SYN3: variants seen among roughly 807,000 people sequenced by gnomAD.
SYN3 encodes synapsin-3.
In SYN3, 35 loss-of-function variants were observed where a neutral mutation model predicts 65.8. The ratio of observed to expected loss-of-function variants is 0.53; its 90% confidence interval spans 0.41 to 0.70. The LOEUF (loss-of-function observed/expected upper bound fraction) is 0.70, where lower values mean the gene tolerates loss of function less well. SYN3 is among the 30% of genes least tolerant of loss of function. SYN3 has a pLI of 0.00. For synonymous variants in SYN3, 270 were observed against 292.9 expected (o/e 0.92, Z 0.80); for missense variants, 680 against 749.0 (o/e 0.91, Z 1.08).
At chr22:32,997,131 G>A (rs1490569705) in intron 2 of SYN3, among the ~76,000 whole-genome samples, 1 of 152,218 alleles carries the variant, frequency 6.6e-6, no homozygotes, top group Non-Finnish European at 1.5e-5. Flanking sequence ...CCTGAGCCAG[G>A]TCCCAGATGT....
At chr22:32,556,444 G>A (rs958575570) in intron 7 of SYN3, among the ~76,000 whole-genome samples, 3 of 152,136 alleles carry the variant, frequency 2.0e-5, no homozygotes, top group Non-Finnish European at 4.4e-5. Flanking sequence ...AGAAACATAC[G>A]ATCCAATCTA....
At chr22:32,569,237 T>C (rs1207788688) in intron 7 of SYN3, among the ~76,000 whole-genome samples, 1 of 146,884 alleles carries the variant, frequency 6.8e-6, no homozygotes, top group Non-Finnish European at 1.5e-5. Flanking sequence ...TTTCTTTCTA[T>C]CTATCTCTAT....
chr22:32,967,155 T>C (rs1407938728), intron 3 of SYN3, among the ~76,000 whole-genome samples: 1 of 152,162 alleles, frequency 6.6e-6, no homozygotes, highest in African/African-American at 2.4e-5. Context: ...GATTAGATAC[T>C]GCCTATGATC....
intron 2 of SYN3, among the ~76,000 whole-genome samples, chr22:33,003,182 T>G (rs2053110262): frequency 6.6e-6 from 1 of 152,150 alleles, no homozygotes; most frequent in Middle Eastern, 3.2e-3. Context: ...TATAGCAGTG[T>G]GAGAATGGAC....
chr22:32,903,941 A>C (rs932545796), intron 4 of SYN3, among the ~76,000 whole-genome samples: 1 of 152,354 alleles, frequency 6.6e-6, no homozygotes, highest in East Asian at 1.9e-4. Context: ...GGCCAGGCCC[A>C]GTACATAGTA....
intron 7 of SYN3, among the ~76,000 whole-genome samples, chr22:32,569,537 A>ATCTC (rs142418236): frequency 2.8e-4 from 32 of 113,500 alleles, no homozygotes; most frequent in Non-Finnish European, 3.6e-4. Context: ...AAATCAATCA[A>ATCTC]TCTCTCTCTC....
chr22:32,955,630 C>A lies in SYN3; in HGVS notation c.370-24149G>T, dbSNP rs534078056. Among the ~76,000 whole-genome samples, 3 of 152,290 alleles carry A rather than the reference C, an allele frequency of 2.0e-5. No homozygotes were observed. In the East Asian group the frequency reaches 5.8e-4, roughly 29 times the overall value. The stretch of plus-strand genomic sequence containing the variant: ...GGTGTTGTGCAACCACCACCGCTAA[C>A]CATCTCCAGAACTTTTTCATTACCA... On this transcript the variant is annotated intron_variant, in intron 3 of 13. Coordinates refer to ENST00000358763, the MANE Select transcript of SYN3 (RefSeq NM_003490.4).
At chr22:32,924,860 G>A (rs923665715) in intron 4 of SYN3, among the ~76,000 whole-genome samples, 4 of 152,198 alleles carry the variant, frequency 2.6e-5, no homozygotes, top group South Asian at 2.1e-4. Context: ...AGGAGGCCAA[G>A]GTGGGAGGAT....
At chr22:32,710,075 G>GCACACACACA (rs55879257) in intron 6 of SYN3, among the ~76,000 whole-genome samples, 4 of 131,378 alleles carry the variant, frequency 3.0e-5, no homozygotes, top group African/African-American at 5.8e-5. Flanking sequence ...ATATATATAT[G>GCACACACACA]CACACACACA....
chr22:32,815,330 G>A (rs943105902), intron 6 of SYN3, among the ~76,000 whole-genome samples: 5 of 152,222 alleles, frequency 3.3e-5, no homozygotes, highest in Non-Finnish European at 5.9e-5. Context: ...TCTGATCCAG[G>A]TCTCTCACTT....
chr22:32,575,236 G>C (rs917223182), intron 7 of SYN3, among the ~76,000 whole-genome samples: 2 of 152,224 alleles, frequency 1.3e-5, no homozygotes, highest in Non-Finnish European at 2.9e-5. Context: ...AAAGAGCAAA[G>C]CCAGGTCACT....
At chr22:32,862,120 T>A (rs370344672) in intron 6 of SYN3, 77 of 152,688 alleles carry the variant, frequency 5.0e-4, no homozygotes, top group African/African-American at 1.8e-3. Context: ...ACTACATTCA[T>A]GTTCTTGTTC....
At chr22:32,518,367 A>AT (rs756564550) in intron 12 of SYN3, 33 bp from the exon 13 acceptor site, 375 of 1,608,846 alleles carry the variant, frequency 2.3e-4, no homozygotes, top group Non-Finnish European at 2.9e-4. Context: ...GTTCAGTTCA[A>AT]TTTTTTTTCT....
intron 6 of SYN3, among the ~76,000 whole-genome samples, chr22:32,618,851 T>G (rs180829527): frequency 6.6e-5 from 10 of 152,290 alleles, no homozygotes; most frequent in Admixed American, 5.2e-4. Context: ...CTCTAGGAGT[T>G]GCCTGGTGAT....
At chr22:32,897,476 C>A (rs1601645624) in intron 4 of SYN3, among the ~76,000 whole-genome samples, 1 of 152,310 alleles carries the variant, frequency 6.6e-6, no homozygotes, top group Admixed American at 6.5e-5. Context: ...GCCCAATGGG[C>A]AGGCACTGTA....
rs145971116 is a variant in SYN3 at position 32,679,048 on chromosome 22, C to CTTTTTTTTTTTTTTTTTTTTTTTTTT, written c.712-82313_712-82312insAAAAAAAAAAAAAAAAAAAAAAAAAA. Among the ~76,000 whole-genome samples the CTTTTTTTTTTTTTTTTTTTTTTTTTT allele has an allele frequency of 1.8e-4, 15 of 85,640 alleles. 1 individual carries two copies. The highest frequency in any genetic ancestry group is 0.011 in the Middle Eastern group (1 of 92). 56.2% of individuals were successfully genotyped at this position (85,640 alleles called of 152,430 possible). A position where few individuals can be genotyped will look rare whatever the true frequency, so the allele number is the denominator to read the frequency against. On this transcript the variant is annotated intron_variant, in intron 6 of 13. Coordinates refer to ENST00000358763, the MANE Select transcript of SYN3 (RefSeq NM_003490.4). ...CATTTTCTTTTTTCTTTGTTTCTTTCTTTTTTTTTTTTTTTTTTTTTTGAG... is the reference window on the plus strand; with the variant it reads ...CATTTTCTTTTTTCTTTGTTTCTTTCTTTTTTTTTTTTTTTTTTTTTTTTTTTTTTTTTTTTTTTTTTTTTTTTGAG...
At chr22:32,696,614 T>C (rs2060739923) in intron 6 of SYN3, among the ~76,000 whole-genome samples, 1 of 152,230 alleles carries the variant, frequency 6.6e-6, no homozygotes, top group Non-Finnish European at 1.5e-5. Flanking sequence ...ACTTGTTTTC[T>C]ATTTTCCAGC....
intron 3 of SYN3, among the ~76,000 whole-genome samples, chr22:32,961,932 G>A (rs2051666522): frequency 6.6e-6 from 1 of 152,030 alleles, no homozygotes; most frequent in Non-Finnish European, 1.5e-5. Flanking sequence ...CCACTCCCTT[G>A]AAGTCCCCCA....
intron 10 of SYN3, chr22:32,530,275 G>A (rs1008938730): frequency 2.0e-5 from 3 of 152,240 alleles, no homozygotes; most frequent in Admixed American, 6.5e-5. Context: ...CATTTCCTAC[G>A]TGCTACGCTC....
Sources: allele counts gnomAD v4.1 joint callset (sites outside exome capture counted in the v4.1 genomes callset), GRCh38; gene constraint gnomAD v4.1.1; transcripts MANE v1.5; gene names NCBI Gene and HGNC (gene_info 2026-07-23, HGNC 2026-07-21).